The following TENM2 variants were observed in gnomAD, a reference collection of about 807,000 sequenced individuals.
TENM2 encodes teneurin transmembrane protein 2, also known as teneurin-2.
In TENM2, 52 loss-of-function variants were observed where a neutral mutation model predicts 245.2. The ratio of observed to expected loss-of-function variants is 0.21; its 90% CI spans 0.17 to 0.27. TENM2 has a LOEUF of 0.27. TENM2 is among the 10% of genes least tolerant of loss of function. The probability of loss-of-function intolerance (pLI) is 1.00; values close to 1 mark genes in which losing one functional copy is unlikely to be tolerated. For missense variants in TENM2, 3,046 were observed against 3,666.8 expected, an observed-to-expected ratio of 0.83 and a Z score of 4.37; for synonymous variants, 1,363 against 1,438.9, an observed-to-expected ratio of 0.95 and a Z score of 1.19.
intron 6 of TENM2, among the ~76,000 whole-genome samples, chr5:168,057,478 T>C (rs971601525): frequency 1.3e-5 from 2 of 152,166 alleles, no homozygotes. Flanking sequence ...ATTGAGACTT[T>C]GAGAAATACA....
chr5:167,941,833 G>A (rs897266403), intron 3 of TENM2, among the ~76,000 whole-genome samples: 7 of 152,008 alleles, frequency 4.6e-5, no homozygotes, highest in Non-Finnish European at 1.0e-4. Flanking sequence ...CAGCCTGAGT[G>A]ACAGAGCAAG....
At chr5:167,492,632 A>G (rs1241176485) in intron 2 of TENM2, among the ~76,000 whole-genome samples, 1 of 152,100 alleles carries the variant, frequency 6.6e-6, no homozygotes, top group Non-Finnish European at 1.5e-5. Flanking sequence ...ACTTTGTACA[A>G]TGCTTTACAT....
At chr5:167,252,053 A>G in the TENM2 span, among the ~76,000 whole-genome samples, 1 of 152,248 alleles carries the variant, frequency 6.6e-6, no homozygotes, top group South Asian at 2.1e-4. Context: ...GGCCAAGGGC[A>G]GGTCTTTTGG....
chr5:167,426,183 A>G (rs1763810540), intron 2 of TENM2, among the ~76,000 whole-genome samples: 1 of 152,204 alleles, frequency 6.6e-6, no homozygotes, highest in South Asian at 2.1e-4. Context: ...TTAAAAATAC[A>G]TTTTAAAAGT....
intron 4 of TENM2, among the ~76,000 whole-genome samples, chr5:167,975,684 T>C (rs1211743899): frequency 2.0e-5 from 3 of 152,180 alleles, no homozygotes; most frequent in African/African-American, 7.2e-5. Context: ...GAAGAAAATA[T>C]TGTACCTATG....
chr5:167,778,853 G>A (rs900518823), intron 2 of TENM2, among the ~76,000 whole-genome samples: 3 of 152,168 alleles, frequency 2.0e-5, no homozygotes, highest in East Asian at 3.9e-4. Context: ...GTTTGGGGAA[G>A]CAATCTGAAA....
chr5:168,262,992 C>A, exon 29 of TENM2: 1 of 574,614 alleles, frequency 1.7e-6, no homozygotes, highest in Middle Eastern at 4.6e-4. Flanking sequence ...AGTCCCTCAT[C>A]CTGAAGTAGA....
At chr5:167,466,096 T>C (rs1005184018) in intron 2 of TENM2, among the ~76,000 whole-genome samples, 3 of 152,198 alleles carry the variant, frequency 2.0e-5, no homozygotes, top group Non-Finnish European at 2.9e-5. Flanking sequence ...CTCTTCACAC[T>C]ATATGAAGTC....
At chr5:167,114,743 C>A in the TENM2 span, among the ~76,000 whole-genome samples, 1 of 152,088 alleles carries the variant, frequency 6.6e-6, no homozygotes. Context: ...TTAATGGATT[C>A]CATAGATAAT....
chr5:167,961,058 G>C (rs1428900897), intron 4 of TENM2, among the ~76,000 whole-genome samples: 1 of 152,190 alleles, frequency 6.6e-6, no homozygotes, highest in Non-Finnish European at 1.5e-5. Context: ...AGTGAGATGA[G>C]CCTAGTACTT....
At chr5:168,067,913 A>G (rs1441612766) in intron 7 of TENM2, among the ~76,000 whole-genome samples, 1 of 152,124 alleles carries the variant, frequency 6.6e-6, no homozygotes, top group African/African-American at 2.4e-5. Context: ...TTCATTTTGG[A>G]GGAAGCCAGA....
chr5:167,231,886 G>A, the TENM2 span, among the ~76,000 whole-genome samples: 4 of 152,162 alleles, frequency 2.6e-5, no homozygotes, highest in South Asian at 2.1e-4. Context: ...GGCCGGCCCC[G>A]GGCCTTTCTG....
chr5:167,809,373 C>G (rs1170590528), intron 2 of TENM2, among the ~76,000 whole-genome samples: 1 of 152,098 alleles, frequency 6.6e-6, no homozygotes, highest in Non-Finnish European at 1.5e-5. Flanking sequence ...TGTATGTCAT[C>G]CCACCCATGG....
chr5:167,058,301 C>G, the TENM2 span, among the ~76,000 whole-genome samples: 8 of 152,190 alleles, frequency 5.3e-5, no homozygotes, highest in African/African-American at 1.9e-4. Flanking sequence ...TGTTGATTGA[C>G]CAACTGATTG....
chr5:167,566,632 C>A (rs1773926070), intron 2 of TENM2, among the ~76,000 whole-genome samples: 1 of 152,156 alleles, frequency 6.6e-6, no homozygotes, highest in Non-Finnish European at 1.5e-5. Flanking sequence ...ACGTTCAAGG[C>A]TGTGATCATT....
chr5:167,238,791 A>G, the TENM2 span, among the ~76,000 whole-genome samples: 2 of 152,068 alleles, frequency 1.3e-5, no homozygotes, highest in Non-Finnish European at 2.9e-5. Context: ...AGTAAGAAAT[A>G]GTCAATTTGT....
chr5:168,040,140 C>A (rs369016485), intron 5 of TENM2, among the ~76,000 whole-genome samples: 16 of 152,162 alleles, frequency 1.1e-4, no homozygotes, highest in African/African-American at 3.6e-4. Flanking sequence ...GTTCTCATGG[C>A]AGACACAAAG....
chr5:167,143,607 A>G, the TENM2 span, among the ~76,000 whole-genome samples: 3 of 152,170 alleles, frequency 2.0e-5, no homozygotes, highest in Admixed American at 1.3e-4. Context: ...AGTGGTTGCT[A>G]GTAGCAGATT....
chr5:167,014,371 G>A, the TENM2 span, among the ~76,000 whole-genome samples: 5 of 152,038 alleles, frequency 3.3e-5, no homozygotes, highest in South Asian at 2.1e-4. Context: ...GCAAGTACAC[G>A]TTAAATTCTG....
Sources: gnomAD v4.1 joint callset for allele counts (sites outside exome capture counted in the v4.1 genomes callset) on GRCh38, gnomAD v4.1.1 for gene constraint, MANE v1.5 for transcripts, NCBI Gene and HGNC (gene_info 2026-07-23, HGNC 2026-07-21) for gene names.